The following CHD7 variants were observed in gnomAD, a reference collection of about 807,000 sequenced individuals.
CHD7 encodes the protein chromodomain helicase DNA binding protein 7.
Under a neutral mutation model 307.3 loss-of-function variants are expected in CHD7, and 24 were observed. The ratio of observed to expected loss-of-function variants is 0.08; its 90% CI spans 0.06 to 0.11. The LOEUF (loss-of-function observed/expected upper bound fraction) is 0.11, where lower values mean the gene tolerates loss of function less well. CHD7 is among the 10% of genes least tolerant of loss of function. The probability of loss-of-function intolerance (pLI) is 1.00; values close to 1 mark genes in which losing one functional copy is unlikely to be tolerated. For synonymous variants in CHD7, 1,363 were observed against 1,349.9 expected (o/e 1.01, Z -0.21); for missense variants, 3,106 against 3,727.1 (o/e 0.83, Z 4.34).
chr8:60,680,537 C>G (rs1468677360), intron 1 of CHD7, among the ~76,000 whole-genome samples: 1 of 152,026 alleles, frequency 6.6e-6, no homozygotes, highest in Admixed American at 6.5e-5. Flanking sequence ...GGCTCTGCCT[C>G]GAGGAGCCCG....
intron 1 of CHD7, among the ~76,000 whole-genome samples, chr8:60,717,640 A>C (rs911695139): frequency 3.9e-5 from 6 of 152,196 alleles, no homozygotes; most frequent in Admixed American, 1.3e-4. Flanking sequence ...TTCATTATAC[A>C]GTCATGTGCC....
intron 3 of CHD7, among the ~76,000 whole-genome samples, chr8:60,783,780 G>A (rs912499260): frequency 6.6e-6 from 1 of 152,126 alleles, no homozygotes; most frequent in Non-Finnish European, 1.5e-5. Flanking sequence ...ACTGGGGGGG[G>A]CGGGGCACAA....
intron 1 of CHD7, among the ~76,000 whole-genome samples, chr8:60,731,802 C>T (rs1359995233): frequency 6.6e-6 from 1 of 152,212 alleles, no homozygotes; most frequent in Non-Finnish European, 1.5e-5. Flanking sequence ...TTCCAAAGAT[C>T]TCAACCTTCC....
intron 1 of CHD7, among the ~76,000 whole-genome samples, chr8:60,740,305 A>T (rs1166154166): frequency 2.0e-5 from 3 of 152,260 alleles, no homozygotes; most frequent in Non-Finnish European, 4.4e-5. Context: ...TTTATTCTGT[A>T]AAAATAATTT....
chr8:60,862,771 CATA>C, intron 37 of CHD7, 119 bp downstream of exon 37: 3 of 654,246 alleles, frequency 4.6e-6, no homozygotes, highest in Non-Finnish European at 8.1e-6. Context: ...AAAGAATTGA[CATA>C]ATACATCATT....
intron 26 of CHD7, 50 bp downstream of exon 26, chr8:60,850,672 C>G (rs746972507): frequency 1.2e-5 from 18 of 1,556,770 alleles, no homozygotes. Flanking sequence ...AGTTTCACAT[C>G]TATTGGCAGG....
At chr8:60,693,607 C>T in intron 1 of CHD7, among the ~76,000 whole-genome samples, 1 of 152,202 alleles carries the variant, frequency 6.6e-6, no homozygotes, top group South Asian at 2.1e-4. Context: ...CAGCCCTCTC[C>T]CAGCTGGATT....
At chr8:60,735,108 T>C (rs1035157244) in intron 1 of CHD7, among the ~76,000 whole-genome samples, 2 of 152,210 alleles carry the variant, frequency 1.3e-5, no homozygotes, top group African/African-American at 2.4e-5. Flanking sequence ...TTATTCAAAC[T>C]GCAAGCTGCA....
Position 60,856,492 on chromosome 8 carries a change from G to T in CHD7, c.7212G>T (p.Arg2404Ser). The change falls in exon 34 of 38, where the codon AGG becomes AGT. Residue 2404 changes from arginine to serine, a missense_variant. Transcript: ENST00000423902. ...LSVPRQRRRR[R>S]RKIEIEAERA... ...TCCCTCGCCAGCGGAGGAGGAGGAG[G>T]AGAAAAATCGAAATTGAGGCCGAAA... 1 of 1,613,630 alleles carries T rather than the reference G, an allele frequency of 6.2e-7. No individual in the cohort carries two copies. The highest frequency in any genetic ancestry group is 8.5e-7 in the Non-Finnish European group (1 of 1,179,768).
chr8:60,801,455 A>G (rs1812306753), intron 5 of CHD7, 73 bp from the exon 6 acceptor site: 10 of 1,104,856 alleles, frequency 9.1e-6, no homozygotes, highest in Middle Eastern at 1.9e-4. Context: ...AGCAAAGGGG[A>G]ATGATTTCTT....
chr8:60,794,262 A>G (rs1434520974), intron 3 of CHD7, among the ~76,000 whole-genome samples: 2 of 152,226 alleles, frequency 1.3e-5, no homozygotes, highest in Non-Finnish European at 2.9e-5. Context: ...CTTTTGTCTT[A>G]TATAATATTC....
At chr8:60,789,159 A>G (rs115088897) in intron 3 of CHD7, among the ~76,000 whole-genome samples, 1,802 of 152,264 alleles carry the variant, frequency 0.012, 37 homozygotes, top group African/African-American at 0.041. Context: ...TCTACCATCT[A>G]GCTGTGTATT....
chr8:60,804,103 C>T (rs555428056), intron 6 of CHD7, among the ~76,000 whole-genome samples: 2 of 152,282 alleles, frequency 1.3e-5, no homozygotes, highest in East Asian at 1.9e-4. Flanking sequence ...GCAGAGGCAC[C>T]GTAAGTCAGC....
chr8:60,682,150 A>G (rs1044444153), intron 1 of CHD7, among the ~76,000 whole-genome samples: 1 of 152,216 alleles, frequency 6.6e-6, no homozygotes, highest in African/African-American at 2.4e-5. Flanking sequence ...CAACGTATTC[A>G]GTAACTTAGT....
chr8:60,800,456 T>G lies in CHD7; in HGVS notation c.2307T>G (p.Asp769Glu). The change falls in exon 5 of 38, where the codon GAT becomes GAG. Residue 769 changes from aspartate to glutamate, a missense_variant. Physicochemically the swap from Asp to Glu is conservative, Grantham distance 45. Transcript: ENST00000423902. ...AAGACCTGGAGTTCAAGATTTCTGA[T>G]GAGGAGGCAGATGATGCAGATGCTG... ...YTEDLEFKIS[D>E]EEADDADAAG... The G allele has an allele frequency of 6.2e-7, 1 of 1,613,918 alleles. No homozygotes were observed. The highest frequency in any genetic ancestry group is 1.7e-5 in the Admixed American group (1 of 60,012).
chr8:60,805,612 A>G (rs1216300476), intron 6 of CHD7, among the ~76,000 whole-genome samples: 1 of 152,176 alleles, frequency 6.6e-6, no homozygotes, highest in African/African-American at 2.4e-5. Flanking sequence ...GCTTTCTGGG[A>G]ACAGACTTGA....
At chr8:60,767,363 G>A (rs1203848774) in intron 2 of CHD7, among the ~76,000 whole-genome samples, 3 of 151,796 alleles carry the variant, frequency 2.0e-5, no homozygotes, top group Non-Finnish European at 2.9e-5. Flanking sequence ...AGGAAGGAAG[G>A]TCAGGTAGGA....
chr8:60,863,858 C>T (rs995795343), intron 37 of CHD7: 1 of 150,298 alleles, frequency 6.7e-6, no homozygotes, highest in African/African-American at 2.5e-5. Context: ...CCTCAGCCTC[C>T]CAAGCAGCTG....
intron 8 of CHD7, among the ~76,000 whole-genome samples, chr8:60,818,787 G>A (rs1435356315): frequency 6.6e-6 from 1 of 152,174 alleles, no homozygotes; most frequent in Non-Finnish European, 1.5e-5. Flanking sequence ...TGCAATTCAA[G>A]GGATAAGAAT....
Sources: allele counts gnomAD v4.1 joint callset (sites outside exome capture counted in the v4.1 genomes callset), GRCh38; gene constraint gnomAD v4.1.1; transcripts MANE v1.5; gene names NCBI Gene and HGNC (gene_info 2026-07-23, HGNC 2026-07-21).